The following NRG2 variants were observed in gnomAD, a reference collection of about 807,000 sequenced individuals.
NRG2 encodes neuregulin 2, also known as pro-neuregulin-2, membrane-bound isoform.
In NRG2, 27 loss-of-function variants were observed where a neutral mutation model predicts 73.9. The ratio of observed to expected loss-of-function variants is 0.37; its 90% confidence interval spans 0.27 to 0.50. The LOEUF (loss-of-function observed/expected upper bound fraction) is 0.50. Ranked by LOEUF, NRG2 falls within the 20% of genes least tolerant of loss-of-function variation. The probability of loss-of-function intolerance (pLI) is 0.96; values close to 1 mark genes in which losing one functional copy is unlikely to be tolerated. For synonymous variants in NRG2, 532 were observed against 541.0 expected, an observed-to-expected ratio of 0.98 and a Z score of 0.23; for missense variants, 1,126 against 1,210.1, an observed-to-expected ratio of 0.93 and a Z score of 1.03.
intron 1 of NRG2, among the ~76,000 whole-genome samples, chr5:139,923,805 C>T (rs71581513): frequency 6.6e-6 from 1 of 151,970 alleles, no homozygotes; most frequent in African/African-American, 2.4e-5. Context: ...TTGGCCTGCT[C>T]GGGACTGTCA....
intron 1 of NRG2, among the ~76,000 whole-genome samples, chr5:139,987,215 A>G (rs1757230053): frequency 7.3e-6 from 1 of 137,486 alleles, no homozygotes; most frequent in African/African-American, 2.8e-5. Context: ...CTACTAAAAT[A>G]CAAAAAAAAA....
chr5:139,897,320 T>G (rs1242202722), intron 1 of NRG2, among the ~76,000 whole-genome samples: 1 of 152,144 alleles, frequency 6.6e-6, no homozygotes, highest in African/African-American at 2.4e-5. Context: ...TAAATGAGGG[T>G]AATGTATGTC....
chr5:139,870,402 C>T lies in NRG2; in HGVS notation c.1112+1319G>A, dbSNP rs1468932420. 6.6e-6 allele frequency among the ~76,000 whole-genome samples: 1 copy of T among 152,114 alleles called. No homozygotes were observed. Among genetic ancestry groups the T allele is most frequent in the African/African-American group, 2.4e-5 (1 of 41,412 alleles). The stretch of plus-strand genomic sequence containing the variant: ...AGCCAGCTGAGGAGGCCAGCCGGGG[C>T]AAGAGCCCCTCGTTACCATGTTGTT... On this transcript the variant is annotated intron_variant, in intron 4 of 9. Coordinates refer to ENST00000361474, the MANE Select transcript of NRG2 (RefSeq NM_004883.3). This position sits in a 1 kb window ranked among gnomAD's most constrained non-coding sequence, Gnocchi z 4.4.
At chr5:139,938,390 T>C (rs1753006833) in intron 1 of NRG2, among the ~76,000 whole-genome samples, 2 of 152,118 alleles carry the variant, frequency 1.3e-5, no homozygotes, top group South Asian at 4.2e-4. Flanking sequence ...AGGGTCTTGT[T>C]CTGTCTCCCA....
chr5:139,993,233 T>C (rs951316590), intron 1 of NRG2, among the ~76,000 whole-genome samples: 2 of 152,162 alleles, frequency 1.3e-5, no homozygotes, highest in Non-Finnish European at 2.9e-5. Flanking sequence ...TGGCTTCTCA[T>C]TGACATTAGG....
chr5:139,974,882 A>G (rs1282422308), intron 1 of NRG2, among the ~76,000 whole-genome samples: 1 of 152,238 alleles, frequency 6.6e-6, no homozygotes, highest in Non-Finnish European at 1.5e-5. Flanking sequence ...TTCTAAACCC[A>G]GAGGGGGACA....
At chr5:139,924,778 C>T (rs1057207415) in intron 1 of NRG2, among the ~76,000 whole-genome samples, 1 of 152,192 alleles carries the variant, frequency 6.6e-6, no homozygotes, top group Non-Finnish European at 1.5e-5. Flanking sequence ...GCACAGGCTC[C>T]CTCAGCCGCC....
chr5:139,976,110 C>T (rs1031224019), intron 1 of NRG2, among the ~76,000 whole-genome samples: 2 of 151,984 alleles, frequency 1.3e-5, no homozygotes, highest in African/African-American at 4.8e-5. Flanking sequence ...CCAAGGTCAC[C>T]AACTTGTAAG....
At chr5:139,885,288 T>C (rs1447518108) in intron 2 of NRG2, among the ~76,000 whole-genome samples, 1 of 152,128 alleles carries the variant, frequency 6.6e-6, no homozygotes, top group Non-Finnish European at 1.5e-5. Context: ...TAAGAGACAG[T>C]GTCCAGACTC....
chr5:139,849,736 C>G lies in NRG2; in HGVS notation c.1773-1039G>C, dbSNP rs140213614. On this transcript the variant is annotated intron_variant, in intron 9 of 9. Transcript: ENST00000361474. ...TGACTCCTCCCTCTTCCCTTTCCCA[C>G]CGGCACATCTGATTAACCACCAAGT... is the stretch of plus-strand genomic sequence containing the variant. Among the ~76,000 whole-genome samples the G allele has an allele frequency of 2.0e-3, 298 of 152,298 alleles. 1 individual carries two copies. Among genetic ancestry groups the G allele is most frequent in the African/African-American group, 7.0e-3 (289 of 41,552 alleles).
In NRG2 at chr5:139,852,585, G is replaced by C. The variant is rs766216468; in HGVS notation, c.1417-26C>G. On this transcript the variant is annotated intron_variant, in intron 7 of 9. Coordinates refer to ENST00000361474, the MANE Select transcript of NRG2 (RefSeq NM_004883.3). The surrounding 1 kb of genome is among the most constrained non-coding windows in gnomAD (Gnocchi z 4.4). ...CTGGAACAGACAGAGTTGGGCGAGAGTTAGTGACTGGGGCCCAAATGAACT... is the reference window on the plus strand; with the variant it reads ...CTGGAACAGACAGAGTTGGGCGAGACTTAGTGACTGGGGCCCAAATGAACT... The C allele has an allele frequency of 6.2e-7, 1 of 1,608,374 alleles. No homozygotes were observed. Among genetic ancestry groups the C allele is most frequent in the South Asian group, 1.1e-5 (1 of 89,770 alleles).
intron 1 of NRG2, among the ~76,000 whole-genome samples, chr5:140,004,980 G>T (rs1758774760): frequency 6.6e-6 from 1 of 152,126 alleles, no homozygotes. Flanking sequence ...TGTTTAAAAA[G>T]AAAGATTAAG....
intron 1 of NRG2, among the ~76,000 whole-genome samples, chr5:139,945,102 T>C (rs1753710111): frequency 6.6e-6 from 1 of 152,004 alleles, no homozygotes; most frequent in South Asian, 2.1e-4. Flanking sequence ...AATCGAACTG[T>C]ATGTTTTCCT....
intron 1 of NRG2, 33 bp downstream of exon 1, chr5:140,042,337 C>A (rs1761995608): frequency 6.8e-7 from 1 of 1,469,620 alleles, no homozygotes; most frequent in Non-Finnish European, 9.1e-7. Flanking sequence ...CGCCCCTCCC[C>A]CCTTTCTCCA....
intron 1 of NRG2, among the ~76,000 whole-genome samples, chr5:139,912,906 T>C (rs1750947660): frequency 6.6e-6 from 1 of 152,166 alleles, no homozygotes; most frequent in African/African-American, 2.4e-5. Flanking sequence ...CAGTAAATCT[T>C]CAAAGAGGAG....
At chr5:139,999,204 C>T (rs760793029) in intron 1 of NRG2, among the ~76,000 whole-genome samples, 2 of 151,752 alleles carry the variant, frequency 1.3e-5, no homozygotes, top group African/African-American at 2.4e-5. Flanking sequence ...AATAATACAC[C>T]CTAATAACAG....
intron 1 of NRG2, among the ~76,000 whole-genome samples, chr5:140,036,232 T>G (rs1761496773): frequency 6.6e-6 from 1 of 152,318 alleles, no homozygotes; most frequent in African/African-American, 2.4e-5. Context: ...GAAGGAAGGC[T>G]CCTTAATTTA....
chr5:139,967,695 C>A (rs767137296), intron 1 of NRG2, among the ~76,000 whole-genome samples: 1 of 152,140 alleles, frequency 6.6e-6, no homozygotes. Context: ...AGAACAGGGC[C>A]GGGCACAATG....
chr5:139,861,049 G>T (rs893721289), intron 5 of NRG2, among the ~76,000 whole-genome samples: 1 of 152,196 alleles, frequency 6.6e-6, no homozygotes, highest in Non-Finnish European at 1.5e-5. Context: ...GCCAGCATCG[G>T]TCTACAAGCC....
Sources: gnomAD v4.1 joint callset for allele counts (sites outside exome capture counted in the v4.1 genomes callset) on GRCh38, gnomAD v4.1.1 for gene constraint, Gnocchi (gnomAD v3.1) non-coding constraint, MANE v1.5 for transcripts, NCBI Gene and HGNC (gene_info 2026-07-23, HGNC 2026-07-21) for gene names.